Variants in PLXNA4 observed in about 807,000 individuals in gnomAD.
PLXNA4 encodes plexin-A4.
Under a neutral mutation model 191.8 loss-of-function variants are expected in PLXNA4, and 44 were observed. That is an observed-to-expected ratio of 0.23 (90% CI 0.18 to 0.29). PLXNA4 has a LOEUF of 0.29. PLXNA4 is among the 10% of genes least tolerant of loss of function. The pLI is 1.00. For synonymous variants in PLXNA4, 1,082 were observed against 1,009.5 expected (o/e 1.07, Z -1.36); for missense variants, 1,800 against 2,488.8 (o/e 0.72, Z 5.89).
At chr7:132,537,931 A>T (rs1029488771) in intron 1 of PLXNA4, among the ~76,000 whole-genome samples, 1 of 152,222 alleles carries the variant, frequency 6.6e-6, no homozygotes, top group African/African-American at 2.4e-5. Context: ...GGGATCATTT[A>T]TCAAACCAGC....
intron 3 of PLXNA4, among the ~76,000 whole-genome samples, chr7:132,466,425 C>T (rs1326215196): frequency 6.6e-6 from 1 of 152,212 alleles, no homozygotes. Context: ...CCTCAGTTTC[C>T]TTGAGCGTCC....
At chr7:132,479,996 G>C (rs1797276784) in intron 3 of PLXNA4, among the ~76,000 whole-genome samples, 1 of 152,012 alleles carries the variant, frequency 6.6e-6, no homozygotes, top group Non-Finnish European at 1.5e-5. Flanking sequence ...ACTATATAAA[G>C]AACTATGTAC....
chr7:132,512,328 A>G (rs963931876), intron 1 of PLXNA4, among the ~76,000 whole-genome samples: 3 of 152,224 alleles, frequency 2.0e-5, no homozygotes, highest in Admixed American at 1.3e-4. Flanking sequence ...AGTCTGCAAG[A>G]GGTGAGATGA....
intron 14 of PLXNA4, among the ~76,000 whole-genome samples, chr7:132,191,582 A>T (rs369681045): frequency 6.6e-6 from 1 of 152,118 alleles, no homozygotes; most frequent in Admixed American, 6.5e-5. Context: ...CCACTTTATC[A>T]TTCAGGATCA....
In PLXNA4 at chr7:132,151,410, AGGAGG is replaced by A. The variant is rs1562885130; in HGVS notation, c.4661-2769_4661-2765del. Among the ~76,000 whole-genome samples, 21 of 3,604 alleles carry A rather than the reference AGGAGG, an allele frequency of 5.8e-3. 4 individuals carry two copies. Among genetic ancestry groups the A allele is most frequent in the African/African-American group, 0.022 (19 of 878 alleles). 2.4% of individuals were successfully genotyped at this position (3,604 alleles called of 152,430 possible). A position where few individuals can be genotyped will look rare whatever the true frequency, so the allele number is the denominator to read the frequency against. On this transcript the variant is annotated intron_variant, in intron 25 of 31. Coordinates refer to ENST00000321063, the MANE Select transcript of PLXNA4 (RefSeq NM_020911.2). ...GGAGAAAGGAGGAGGAGGAGGAGGA[AGGAGG>A]AGGAGGAGGAGGAGGAAGGAGGAGG... is the stretch of plus-strand genomic sequence containing the variant.
intron 21 of PLXNA4, among the ~76,000 whole-genome samples, chr7:132,171,537 G>A (rs1435314599): frequency 1.3e-5 from 2 of 152,222 alleles, no homozygotes; most frequent in African/African-American, 2.4e-5. Context: ...TCACCAGAAG[G>A]TTTAGCACTA....
chr7:132,505,754 T>G (rs1585239168), intron 2 of PLXNA4, among the ~76,000 whole-genome samples: 1 of 152,182 alleles, frequency 6.6e-6, no homozygotes, highest in Non-Finnish European at 1.5e-5. Context: ...TTCTAATACA[T>G]CTCACCACAG....
At chr7:132,278,861 G>A (rs1465085928) in intron 4 of PLXNA4, among the ~76,000 whole-genome samples, 1 of 152,200 alleles carries the variant, frequency 6.6e-6, no homozygotes, top group Non-Finnish European at 1.5e-5. Context: ...TATCAAGATT[G>A]CAAGGCAGTT....
At chr7:132,492,569 A>G (rs1042895332) in intron 2 of PLXNA4, among the ~76,000 whole-genome samples, 1 of 152,108 alleles carries the variant, frequency 6.6e-6, no homozygotes, top group African/African-American at 2.4e-5. Context: ...GAGTCCTTTG[A>G]CCAAGCACCG....
At chr7:132,157,981 C>T (rs563784737) in intron 25 of PLXNA4, among the ~76,000 whole-genome samples, 2 of 152,294 alleles carry the variant, frequency 1.3e-5, no homozygotes, top group South Asian at 2.1e-4. Flanking sequence ...TAAGGGCACA[C>T]ATGTGAGCAC....
intron 31 of PLXNA4, among the ~76,000 whole-genome samples, chr7:132,132,378 ATTTG>A (rs1563047740): frequency 3.2e-5 from 4 of 126,736 alleles, no homozygotes; most frequent in African/African-American, 1.4e-4. Flanking sequence ...AACACATTCT[ATTTG>A]TTCTGTTCTG....
chr7:132,359,671 ACT>A (rs1212636984), intron 3 of PLXNA4, among the ~76,000 whole-genome samples: 1 of 152,180 alleles, frequency 6.6e-6, no homozygotes, highest in Non-Finnish European at 1.5e-5. Flanking sequence ...GGCCACAAAG[ACT>A]CACACATCTC....
intron 4 of PLXNA4, among the ~76,000 whole-genome samples, chr7:132,270,420 C>A (rs535116862): frequency 2.0e-5 from 3 of 152,256 alleles, no homozygotes; most frequent in African/African-American, 7.2e-5. Context: ...CCTATGATTC[C>A]AAAATTACTT....
At chr7:132,538,357 A>G (rs1280412432) in intron 1 of PLXNA4, among the ~76,000 whole-genome samples, 2 of 152,204 alleles carry the variant, frequency 1.3e-5, no homozygotes, top group Non-Finnish European at 2.9e-5. Flanking sequence ...TGAAGCCTGG[A>G]GCATCACCAG....
chr7:132,334,155 T>A (rs182588309), intron 3 of PLXNA4, among the ~76,000 whole-genome samples: 30 of 152,200 alleles, frequency 2.0e-4, no homozygotes, highest in Non-Finnish European at 5.9e-5. Flanking sequence ...GAAATAGTCA[T>A]ATTTTTGCAC....
chr7:132,398,583 A>C (rs1449911117), intron 3 of PLXNA4, among the ~76,000 whole-genome samples: 1 of 152,178 alleles, frequency 6.6e-6, no homozygotes, highest in Non-Finnish European at 1.5e-5. Context: ...CCAGTTTAAG[A>C]GCCTGGGCTC....
chr7:132,148,331 C>A (rs1018286919), intron 26 of PLXNA4, among the ~76,000 whole-genome samples: 4 of 152,190 alleles, frequency 2.6e-5, no homozygotes, highest in Non-Finnish European at 4.4e-5. Flanking sequence ...TGCCCATGCC[C>A]TGCAGAAAGT....
At chr7:132,349,425 C>T (rs574687750) in intron 3 of PLXNA4, among the ~76,000 whole-genome samples, 1 of 152,204 alleles carries the variant, frequency 6.6e-6, no homozygotes, top group African/African-American at 2.4e-5. Flanking sequence ...GTGCAGGGAG[C>T]CAACACAGGG....
rs373695995 is a variant in PLXNA4 at position 132,198,524 on chromosome 7, T to A, written c.2699A>T (p.Glu900Val). The change falls in exon 13 of 32, where the codon GAG becomes GTG. Residue 900 changes from glutamate (E) to valine (V), a missense_variant. This residue lies in a region of PLXNA4 where 1,397 missense variants were observed against 1,880.4 expected (regional missense o/e 0.74). Transcript: ENST00000321063. ...IASHVKVAGV[E>V]CSPLVDGYIP... ...GTAACCATCCACTAAAGGGCTGCACTCCACGCCAGCAACCTTGACATGGGA... is the reference window on the plus strand; with the variant it reads ...GTAACCATCCACTAAAGGGCTGCACACCACGCCAGCAACCTTGACATGGGA... The A allele has an allele frequency of 1.9e-5, 31 of 1,614,124 alleles. No homozygotes were observed. The African/African-American group carries it at 3.9e-4, about 20-fold the overall frequency.
Sources: gnomAD v4.1 joint callset for allele counts (sites outside exome capture counted in the v4.1 genomes callset) on GRCh38, gnomAD v4.1.1 for gene constraint, gnomAD v4.1.1 regional missense constraint, MANE v1.5 for transcripts, NCBI Gene and HGNC (gene_info 2026-07-23, HGNC 2026-07-21) for gene names.